The following PADI3 variants were observed in gnomAD, a reference collection of about 807,000 sequenced individuals.
PADI3 encodes the protein peptidyl arginine deiminase 3.
A neutral mutation model predicts 71.5 loss-of-function variants in PADI3; 53 were observed. The observed-to-expected ratio is 0.74, with a 90% CI of 0.59 to 0.93. PADI3 has a LOEUF of 0.93. PADI3 is among the 40% of genes least tolerant of loss of function. The probability of loss-of-function intolerance (pLI) is 0.00; values close to 1 mark genes in which losing one functional copy is unlikely to be tolerated. For missense variants in PADI3, 821 were observed against 868.0 expected (o/e 0.95, Z 0.68); for synonymous variants, 361 against 347.5 (o/e 1.04, Z -0.43).
chr1:17,275,661 G>A (rs1188172299), intron 11 of PADI3, among the ~76,000 whole-genome samples: 2 of 152,134 alleles, frequency 1.3e-5, no homozygotes, highest in Non-Finnish European at 2.9e-5. Context: ...GTGACACAGG[G>A]GTGCTGATGG....
At chr1:17,255,768 GA>G (rs1191737193) in intron 1 of PADI3, among the ~76,000 whole-genome samples, 1 of 152,144 alleles carries the variant, frequency 6.6e-6, no homozygotes, top group African/African-American at 2.4e-5. Flanking sequence ...TGCTCATCCT[GA>G]GTGCTTTACC....
intron 4 of PADI3, 82 bp downstream of exon 4, chr1:17,265,802 AC>A: frequency 8.2e-7 from 1 of 1,222,778 alleles, no homozygotes; most frequent in Admixed American, 1.7e-5. Context: ...TGAGGCCATT[AC>A]AGATATCCCC....
chr1:17,276,898 C>T (rs1557513755), intron 13 of PADI3, 22 bp downstream of exon 13: 1 of 1,579,904 alleles, frequency 6.3e-7, no homozygotes. Context: ...TGCCGTGTCC[C>T]TCCTTGCGGC....
chr1:17,262,194 T>A lies in PADI3; in HGVS notation c.335T>A (p.Leu112His), dbSNP rs142129409. 11,245 of 1,608,134 alleles carry A rather than the reference T, an allele frequency of 7.0e-3. 41 individuals carry two copies. The highest frequency in any genetic ancestry group is 8.4e-3 in the Non-Finnish European group (9,903 of 1,178,122). Residue 112 changes from leucine (L) to histidine (H), a missense_variant, in exon 3 of 16, where the codon CTC becomes CAC. By Grantham distance (99) the Leu-to-His change is moderately conservative. Transcript: ENST00000375460. ...PLPLAYAVLY[L>H]TCVDISLDCD... ...CCCCTGGCCTATGCGGTGCTCTACC[T>A]CACCTGTGTTGGTAAGTTGGGGGCC...
intron 1 of PADI3, among the ~76,000 whole-genome samples, chr1:17,255,539 G>A (rs1329232485): frequency 6.6e-6 from 1 of 152,216 alleles, no homozygotes; most frequent in Non-Finnish European, 1.5e-5. Context: ...CTTTGTCCAG[G>A]TGAGGCTCCA....
chr1:17,263,363 G>A (rs2073126011), intron 3 of PADI3, among the ~76,000 whole-genome samples: 1 of 152,122 alleles, frequency 6.6e-6, no homozygotes, highest in Non-Finnish European at 1.5e-5. Flanking sequence ...TCAAGCTATA[G>A]TACTTGAGGC....
chr1:17,250,547 G>T (rs1005134914), intron 1 of PADI3, among the ~76,000 whole-genome samples: 1 of 152,146 alleles, frequency 6.6e-6, no homozygotes, highest in Non-Finnish European at 1.5e-5. Context: ...TGAGGAGCTG[G>T]TCATGGGAGG....
At chr1:17,270,853 C>A in intron 7 of PADI3, 26 bp from the exon 8 acceptor site, 1 of 1,574,780 alleles carries the variant, frequency 6.4e-7, no homozygotes, top group Non-Finnish European at 8.7e-7. Flanking sequence ...GTCCAGTGCT[C>A]TTTCTCCCCT....
At chr1:17,267,549 G>T (rs191617454) in intron 5 of PADI3, among the ~76,000 whole-genome samples, 270 of 152,300 alleles carry the variant, frequency 1.8e-3, no homozygotes, top group Non-Finnish European at 3.3e-3. Context: ...CCTGCACGAC[G>T]CCCACATGGC....
chr1:17,264,557 C>T lies in PADI3; in HGVS notation c.347-1102C>T, dbSNP rs969253157. On this transcript the variant is annotated intron_variant, in intron 3 of 15. Transcript: ENST00000375460. The stretch of plus-strand genomic sequence containing the variant: ...TCTCCTCATGGTTTTATCTCTTGAA[C>T]GCAATACCCAAATAACATGGTCTCA... 3.9e-5 allele frequency among the ~76,000 whole-genome samples: 6 copies of T among 152,268 alleles called. No homozygotes were observed. The South Asian group carries it at 1.0e-3, about 26-fold the overall frequency.
intron 15 of PADI3, among the ~76,000 whole-genome samples, chr1:17,281,428 G>A (rs1337781955): frequency 6.7e-6 from 1 of 149,068 alleles, no homozygotes; most frequent in Non-Finnish European, 1.5e-5. Flanking sequence ...TCTGATGCTT[G>A]TAAATCTTTT....
chr1:17,273,460 G>A lies in PADI3; in HGVS notation c.1155+13G>A, dbSNP rs750564220. ...CAAAAGAATCCTGGTGAGTGGTCCC[G>A]GCCGCAGCCCACCCCTGAGAGCTGA... is the stretch of plus-strand genomic sequence containing the variant. On this transcript the variant is annotated intron_variant, in intron 10 of 15. Coordinates refer to ENST00000375460, the MANE Select transcript of PADI3 (RefSeq NM_016233.2). 2.7e-5 allele frequency: 42 copies of A among 1,577,178 alleles called. No individual in the cohort carries two copies. Among genetic ancestry groups the A allele is most frequent in the South Asian group, 7.8e-5 (7 of 89,816 alleles).
rs993124952 is a variant in PADI3, at chr1:17,258,980, C to G, written c.93-598C>G. 3.3e-5 allele frequency among the ~76,000 whole-genome samples: 5 copies of G among 152,360 alleles called. No individual in the cohort carries two copies. The East Asian group carries it at 5.8e-4, about 18-fold the overall frequency. ...GAGCACATGGCTGGCTTCTGACTTC[C>G]GAAGAGCTCGCCATTCTGGTGAGTG... On this transcript the variant is annotated intron_variant, in intron 1 of 15. Coordinates refer to ENST00000375460, the MANE Select transcript of PADI3 (RefSeq NM_016233.2).
At position 17,280,798 on chromosome 1, in the gene PADI3, T is replaced by C; in HGVS notation, c.1761+2T>C. ...GCAACGGCCTTCTTCCCTGACTTGGTGAGGGCACTACCCATGACTCCTTTG... is the reference window on the plus strand; with the variant it reads ...GCAACGGCCTTCTTCCCTGACTTGGCGAGGGCACTACCCATGACTCCTTTG... On this transcript the variant is annotated splice_donor_variant, in intron 15 of 15. Coordinates refer to ENST00000375460, the MANE Select transcript of PADI3 (RefSeq NM_016233.2). LOFTEE classifies it high-confidence loss of function. The C allele has an allele frequency of 6.2e-7, 1 of 1,613,904 alleles. No individual in the cohort carries two copies. Among genetic ancestry groups the C allele is most frequent in the Non-Finnish European group, 8.5e-7 (1 of 1,179,858 alleles).
Position 17,259,684 on chromosome 1 carries a change from C to A in PADI3, c.199C>A (p.Arg67=), listed in dbSNP as rs111914086. 1 of 1,613,676 alleles carries A rather than the reference C, an allele frequency of 6.2e-7. No homozygotes were observed. The highest frequency in any genetic ancestry group is 8.5e-7 in the Non-Finnish European group (1 of 1,179,700). Residue 67 remains arginine (R), a synonymous_variant, in exon 2 of 16, where the codon CGG becomes AGG. Transcript: ENST00000375460. The part of the protein sequence containing the change: ...ERGRERADTR[R]WRFDATLEII... ...GGGCCGGGAGCGTGCAGACACCAGG[C>A]GGTGGCGCTTTGACGCGACTTTGGA...
chr1:17,279,420 C>T (rs977647902), intron 13 of PADI3, among the ~76,000 whole-genome samples: 1 of 152,218 alleles, frequency 6.6e-6, no homozygotes, highest in African/African-American at 2.4e-5. Context: ...GGCCCAGAGG[C>T]CTCAGCAAGA....
At chr1:17,257,226 T>C (rs1021905738) in intron 1 of PADI3, among the ~76,000 whole-genome samples, 10 of 152,050 alleles carry the variant, frequency 6.6e-5, no homozygotes, top group Non-Finnish European at 1.5e-5. Flanking sequence ...TCTCTGTCCC[T>C]ATCTCTCTGT....
chr1:17,276,701 C>T, intron 12 of PADI3, 38 bp downstream of exon 12: 3 of 1,614,024 alleles, frequency 1.9e-6, no homozygotes, highest in Non-Finnish European at 2.5e-6. Flanking sequence ...TCCCTGGCAT[C>T]TGGGGCAAGA....
At chr1:17,270,155 G>C in intron 6 of PADI3, 78 bp from the exon 7 acceptor site, 1 of 1,497,742 alleles carries the variant, frequency 6.7e-7, no homozygotes, top group East Asian at 2.3e-5. Context: ...TGAGGCTGCA[G>C]ACCTCTTCCT....
Sources: allele counts gnomAD v4.1 joint callset (sites outside exome capture counted in the v4.1 genomes callset), GRCh38; gene constraint gnomAD v4.1.1; transcripts MANE v1.5; gene names NCBI Gene and HGNC (gene_info 2026-07-23, HGNC 2026-07-21).